Variants in TBC1D22A observed in about 807,000 individuals in gnomAD.
The protein encoded by TBC1D22A is putative GTPase activator.
In TBC1D22A, 38 loss-of-function variants were observed where a neutral mutation model predicts 60.2. The observed-to-expected ratio is 0.63, with a 90% confidence interval of 0.49 to 0.83. TBC1D22A has a LOEUF of 0.83. Ranked by LOEUF, TBC1D22A falls within the 40% of genes least tolerant of loss-of-function variation. The pLI is 0.00. For missense variants in TBC1D22A, 628 were observed against 701.0 expected (o/e 0.90, Z 1.18); for synonymous variants, 302 against 281.7 (o/e 1.07, Z -0.72).
chr22:47,155,286 GA>G (rs2067669053), intron 12 of TBC1D22A, among the ~76,000 whole-genome samples: 1 of 152,204 alleles, frequency 6.6e-6, no homozygotes, highest in Non-Finnish European at 1.5e-5. Flanking sequence ...TCGGAAGGCG[GA>G]TGTATTGAGG....
chr22:46,911,917 T>TC (rs2147781911), intron 7 of TBC1D22A, among the ~76,000 whole-genome samples, 157 bp from the exon 8 acceptor site: 1 of 79,092 alleles, frequency 1.3e-5, no homozygotes, highest in Admixed American at 1.2e-4. Context: ...AGACCCTGTC[T>TC]CAAAAAAAAA....
intron 4 of TBC1D22A, among the ~76,000 whole-genome samples, chr22:46,838,481 T>G (rs1407188293): frequency 1.3e-5 from 2 of 152,192 alleles, no homozygotes; most frequent in East Asian, 3.9e-4. Context: ...TACCAAATAC[T>G]TAAAGAAGAA....
chr22:46,790,669 C>T (rs966825640), intron 1 of TBC1D22A, among the ~76,000 whole-genome samples: 1 of 152,032 alleles, frequency 6.6e-6, no homozygotes, highest in African/African-American at 2.4e-5. Context: ...AAAGTTTTAC[C>T]TTACTAATGA....
At chr22:46,840,421 C>T (rs566665897) in intron 4 of TBC1D22A, among the ~76,000 whole-genome samples, 2 of 152,274 alleles carry the variant, frequency 1.3e-5, no homozygotes, top group East Asian at 3.9e-4. Context: ...CATTTCACAC[C>T]TGCTAGTATG....
chr22:46,850,112 G>C (rs142948944), intron 4 of TBC1D22A, among the ~76,000 whole-genome samples: 66 of 152,324 alleles, frequency 4.3e-4, no homozygotes, highest in African/African-American at 1.4e-3. Flanking sequence ...GTGCTGGAGT[G>C]CATGGTGGAT....
chr22:47,077,468 A>C (rs2064271128), intron 11 of TBC1D22A, among the ~76,000 whole-genome samples: 1 of 152,212 alleles, frequency 6.6e-6, no homozygotes, highest in Non-Finnish European at 1.5e-5. Flanking sequence ...GCCTGGTAGC[A>C]AGCCCTCCCG....
intron 4 of TBC1D22A, among the ~76,000 whole-genome samples, chr22:46,809,120 C>T (rs73888702): frequency 2.6e-5 from 4 of 152,368 alleles, no homozygotes; most frequent in African/African-American, 7.2e-5. Context: ...ACATTGATTT[C>T]TCCCAGTTCC....
intron 8 of TBC1D22A, among the ~76,000 whole-genome samples, chr22:46,918,139 G>T (rs368409228): frequency 2.6e-4 from 39 of 152,366 alleles, no homozygotes; most frequent in African/African-American, 9.4e-4. Context: ...ATGGAACGCA[G>T]TAAGTGTCCA....
chr22:46,922,090 A>G (rs368338114), intron 8 of TBC1D22A, among the ~76,000 whole-genome samples: 12 of 152,160 alleles, frequency 7.9e-5, no homozygotes, highest in South Asian at 2.1e-4. Context: ...TCTAGTTTCA[A>G]TCTTCTGTGT....
intron 11 of TBC1D22A, among the ~76,000 whole-genome samples, chr22:47,072,782 C>T (rs1003483191): frequency 6.6e-5 from 10 of 152,382 alleles, no homozygotes; most frequent in African/African-American, 1.9e-4. Flanking sequence ...TGGGTGGAGA[C>T]AGAACCTGCC....
chr22:46,955,734 GAT>G (rs887831364), intron 8 of TBC1D22A, among the ~76,000 whole-genome samples: 11 of 152,106 alleles, frequency 7.2e-5, no homozygotes, highest in Non-Finnish European at 1.0e-4. Flanking sequence ...AATTAAAAAA[GAT>G]AATACTCAGT....
chr22:46,857,180 C>T (rs1032998816), intron 4 of TBC1D22A, among the ~76,000 whole-genome samples: 1 of 152,254 alleles, frequency 6.6e-6, no homozygotes, highest in African/African-American at 2.4e-5. Context: ...CAGAACAACA[C>T]AACCACTTAC....
chr22:47,034,784 A>G (rs750252924), intron 10 of TBC1D22A, among the ~76,000 whole-genome samples: 15 of 152,252 alleles, frequency 9.9e-5, no homozygotes, highest in Non-Finnish European at 2.1e-4. Flanking sequence ...TCGCAGTTTT[A>G]TCCTAACAAC....
chr22:47,131,731 G>A (rs138032896), intron 12 of TBC1D22A, among the ~76,000 whole-genome samples: 1 of 152,324 alleles, frequency 6.6e-6, no homozygotes, highest in Non-Finnish European at 1.5e-5. Context: ...CCCCTTCTCA[G>A]CAGAAGGGAG....
At chr22:46,844,483 G>A (rs1488598380) in intron 4 of TBC1D22A, among the ~76,000 whole-genome samples, 2 of 152,224 alleles carry the variant, frequency 1.3e-5, no homozygotes, top group African/African-American at 4.8e-5. Context: ...TAGTGACTGA[G>A]TGTGTGCCAG....
chr22:47,128,512 G>A (rs1235953007), intron 12 of TBC1D22A, among the ~76,000 whole-genome samples: 1 of 148,702 alleles, frequency 6.7e-6, no homozygotes, highest in African/African-American at 2.5e-5. Flanking sequence ...CTGATCCCAG[G>A]TGTGCTGTGA....
At chr22:47,064,203 C>T (rs1292739578) in intron 11 of TBC1D22A, among the ~76,000 whole-genome samples, 4 of 152,246 alleles carry the variant, frequency 2.6e-5, no homozygotes, top group Non-Finnish European at 4.4e-5. Flanking sequence ...TGCCGGCACC[C>T]GTGCTCTCTC....
chr22:47,061,405 T>A (rs2063572702), intron 11 of TBC1D22A, among the ~76,000 whole-genome samples: 1 of 152,000 alleles, frequency 6.6e-6, no homozygotes, highest in Admixed American at 6.6e-5. Flanking sequence ...CCTGCTTGGT[T>A]CCCTGGTTCT....
chr22:47,084,344 C>T (rs1481508684), intron 11 of TBC1D22A, among the ~76,000 whole-genome samples: 1 of 152,158 alleles, frequency 6.6e-6, no homozygotes, highest in African/African-American at 2.4e-5. Flanking sequence ...CCAGGGGTGA[C>T]GACTGGACCG....
Sources: allele counts gnomAD v4.1 joint callset (sites outside exome capture counted in the v4.1 genomes callset), GRCh38; gene constraint gnomAD v4.1.1; transcripts MANE v1.5; gene names NCBI Gene and HGNC (gene_info 2026-07-23, HGNC 2026-07-21).